Variants in SLC35F1 observed in about 807,000 individuals in gnomAD.
The protein encoded by SLC35F1 is chromosome 6 open reading frame 169.
Under a neutral mutation model 48.7 loss-of-function variants are expected in SLC35F1, and 14 were observed. The ratio of observed to expected loss-of-function variants is 0.29; its 90% CI spans 0.19 to 0.45. The LOEUF is 0.45. Ranked by LOEUF, SLC35F1 falls within the 20% of genes least tolerant of loss-of-function variation. SLC35F1 has a pLI of 1.00. For synonymous variants in SLC35F1, 190 were observed against 202.2 expected (o/e 0.94, Z 0.51); for missense variants, 404 against 500.0 (o/e 0.81, Z 1.83).
intron 2 of SLC35F1, among the ~76,000 whole-genome samples, chr6:118,233,201 G>A (rs180977467): frequency 2.6e-4 from 39 of 152,304 alleles, no homozygotes; most frequent in African/African-American, 5.5e-4. Flanking sequence ...TCTTGACCTC[G>A]TGATCTGCCC....
rs149879230 is a variant in SLC35F1, at chr6:118,039,799, G to GTTTTTTTTTTTTTTT, written c.174-114638_174-114637insTTTTTTTTTTTTTTT. On this transcript the variant is annotated intron_variant, in intron 1 of 7. Transcript: ENST00000360388. ...TTTAACATCTAAGCATCTCAGGATT[G>GTTTTTTTTTTTTTTT]TTTTTTTTGTTTTTTTTTTTTGCTT... Among the ~76,000 whole-genome samples, 87 of 106,754 alleles carry GTTTTTTTTTTTTTTT rather than the reference G, an allele frequency of 8.1e-4. 7 individuals carry two copies. Among genetic ancestry groups the GTTTTTTTTTTTTTTT allele is most frequent in the South Asian group, 1.1e-3 (3 of 2,776 alleles). 70.0% of individuals were successfully genotyped at this position (106,754 alleles called of 152,430 possible). A position where few individuals can be genotyped will look rare whatever the true frequency, so the allele number is the denominator to read the frequency against.
chr6:118,061,287 T>C (rs1772532735), intron 1 of SLC35F1, among the ~76,000 whole-genome samples: 1 of 152,242 alleles, frequency 6.6e-6, no homozygotes, highest in Non-Finnish European at 1.5e-5. Context: ...GAAGGGAAGC[T>C]GCTGGTAACT....
At chr6:118,089,288 A>T (rs901713310) in intron 1 of SLC35F1, among the ~76,000 whole-genome samples, 2 of 152,276 alleles carry the variant, frequency 1.3e-5, no homozygotes, top group Admixed American at 1.3e-4. Flanking sequence ...TATAGATACT[A>T]ACTGGGGATT....
At chr6:118,313,122 G>C (rs928632620) in intron 7 of SLC35F1, among the ~76,000 whole-genome samples, 1 of 152,110 alleles carries the variant, frequency 6.6e-6, no homozygotes, top group Non-Finnish European at 1.5e-5. Context: ...TTCAATGTCT[G>C]ATATAGAGAA....
chr6:118,221,964 A>AT (rs1185901986), intron 2 of SLC35F1, among the ~76,000 whole-genome samples: 2 of 48,712 alleles, frequency 4.1e-5, no homozygotes, highest in Non-Finnish European at 8.2e-5. Flanking sequence ...TATGTATACA[A>AT]TTTTTTTATA....
chr6:118,019,828 T>C (rs1389776784), intron 1 of SLC35F1, among the ~76,000 whole-genome samples: 5 of 152,214 alleles, frequency 3.3e-5, no homozygotes, highest in East Asian at 3.8e-4. Context: ...TAGCCATAAA[T>C]AACCCTTATA....
intron 1 of SLC35F1, among the ~76,000 whole-genome samples, chr6:118,051,324 C>G (rs557166610): frequency 6.6e-4 from 100 of 152,156 alleles, no homozygotes; most frequent in African/African-American, 2.4e-3. Flanking sequence ...TTGATTCTTA[C>G]TAAGTACTCA....
chr6:117,970,556 C>A (rs6935258), intron 1 of SLC35F1, among the ~76,000 whole-genome samples: 2 of 151,968 alleles, frequency 1.3e-5, no homozygotes, highest in Non-Finnish European at 2.9e-5. Context: ...CTGAGAGCCA[C>A]TGTATTAGTC....
At chr6:118,310,702 G>T (rs1026298972) in intron 7 of SLC35F1, among the ~76,000 whole-genome samples, 2 of 152,008 alleles carry the variant, frequency 1.3e-5, no homozygotes, top group Admixed American at 1.3e-4. Flanking sequence ...AAAATCCCAT[G>T]CTATCTATCT....
At chr6:117,983,805 A>C (rs1195243861) in intron 1 of SLC35F1, among the ~76,000 whole-genome samples, 4 of 152,202 alleles carry the variant, frequency 2.6e-5, no homozygotes, top group Non-Finnish European at 4.4e-5. Flanking sequence ...GTTAGAATTC[A>C]TGCTGATCCC....
At chr6:118,141,928 AT>A (rs1773896346) in intron 1 of SLC35F1, among the ~76,000 whole-genome samples, 1 of 151,982 alleles carries the variant, frequency 6.6e-6, no homozygotes, top group African/African-American at 2.4e-5. Context: ...GTGATACTTC[AT>A]TTTTTTTCCT....
At chr6:118,286,249 C>T (rs1429430533) in intron 7 of SLC35F1, among the ~76,000 whole-genome samples, 1 of 152,136 alleles carries the variant, frequency 6.6e-6, no homozygotes, top group Non-Finnish European at 1.5e-5. Context: ...CACTTCTAGC[C>T]AAGTTCCTCA....
chr6:118,089,835 G>T (rs927749644), intron 1 of SLC35F1, among the ~76,000 whole-genome samples: 1 of 152,142 alleles, frequency 6.6e-6, no homozygotes, highest in Admixed American at 6.5e-5. Flanking sequence ...ATTTGACTTT[G>T]CAAAACTGGA....
chr6:118,047,015 G>A (rs1043579247), intron 1 of SLC35F1, among the ~76,000 whole-genome samples: 19 of 152,112 alleles, frequency 1.2e-4, no homozygotes, highest in Non-Finnish European at 2.2e-4. Flanking sequence ...GCTCTGAAAT[G>A]TTTTTCTAAG....
At position 117,907,597 on chromosome 6, in the gene SLC35F1, C is replaced by G. The variant is rs1775704944; in HGVS notation, c.-130C>G. ...CCGCGGGTGCCTCCCCGCCTCACCG[C>G]TTCGCAGGCAGCACCGCCTCCCGGG... On this transcript the variant is annotated 5_prime_UTR_variant, in exon 1 of 8. Transcript: ENST00000360388. 6.3e-6 allele frequency: 3 copies of G among 475,630 alleles called. No individual in the cohort carries two copies. Among genetic ancestry groups the G allele is most frequent in the Non-Finnish European group, 1.0e-5 (3 of 286,694 alleles). The allele number at this position is 475,630 out of a possible 1,614,324, so 29.5% of individuals were successfully genotyped here. A position where few individuals can be genotyped will look rare whatever the true frequency, so the allele number is the denominator to read the frequency against.
intron 1 of SLC35F1, among the ~76,000 whole-genome samples, chr6:117,936,462 G>T (rs945751044): frequency 2.0e-4 from 30 of 152,312 alleles, no homozygotes; most frequent in Middle Eastern, 3.4e-3. Context: ...TGAATTTTGA[G>T]TGTCTCAGAG....
chr6:118,256,211 T>G (rs1424383754), intron 3 of SLC35F1, among the ~76,000 whole-genome samples: 3 of 24,586 alleles, frequency 1.2e-4, no homozygotes, highest in African/African-American at 4.6e-4. Flanking sequence ...TTCTGGTGTG[T>G]GTGTGTGTGT....
chr6:118,208,260 C>T (rs1393478760), intron 2 of SLC35F1, among the ~76,000 whole-genome samples: 1 of 152,216 alleles, frequency 6.6e-6, no homozygotes, highest in Non-Finnish European at 1.5e-5. Flanking sequence ...AGTGGGTACC[C>T]TCCACTTAGC....
chr6:118,270,564 T>C (rs186975879), intron 4 of SLC35F1, among the ~76,000 whole-genome samples: 42 of 152,334 alleles, frequency 2.8e-4, no homozygotes, highest in Middle Eastern at 3.4e-3. Flanking sequence ...TCACCCACTA[T>C]AGGATGCTTC....
Sources: allele counts gnomAD v4.1 joint callset (sites outside exome capture counted in the v4.1 genomes callset), GRCh38; gene constraint gnomAD v4.1.1; transcripts MANE v1.5; gene names NCBI Gene and HGNC (gene_info 2026-07-23, HGNC 2026-07-21).